FOSL2: variants seen among roughly 807,000 people sequenced by gnomAD.
The protein encoded by FOSL2 is fos-related antigen 2.
A neutral mutation model predicts 27.7 loss-of-function variants in FOSL2; 3 were observed. The observed-to-expected ratio is 0.11, with a 90% CI of 0.05 to 0.28. The LOEUF is 0.28. FOSL2 is among the 10% of genes least tolerant of loss of function. The probability of loss-of-function intolerance (pLI) is 1.00; values close to 1 mark genes in which losing one functional copy is unlikely to be tolerated. For missense variants in FOSL2, 333 were observed against 445.1 expected (o/e 0.75, Z 2.27); for synonymous variants, 179 against 190.1 (o/e 0.94, Z 0.48).
At position 28,413,375 on chromosome 2, in the gene FOSL2, G is replaced by A. The variant is rs1008855160; in HGVS notation, c.*927G>A. On this transcript the variant is annotated 3_prime_UTR_variant, in exon 4 of 4. Transcript: ENST00000264716. ...ATTCTGCCCCTGGACCCTTCTCTCCGGACCAGGGAGGCGTCCCTCCCTAGG... is the reference window on the plus strand; with the variant it reads ...ATTCTGCCCCTGGACCCTTCTCTCCAGACCAGGGAGGCGTCCCTCCCTAGG... 1.5e-5 allele frequency: 6 copies of A among 397,518 alleles called. No individual in the cohort carries two copies. The highest frequency in any genetic ancestry group is 6.2e-4 in the Middle Eastern group (1 of 1,610). The allele number at this position is 397,518 out of a possible 1,614,324, so 24.6% of individuals were successfully genotyped here.
chr2:28,409,854 C>CCT (rs1229970744), intron 3 of FOSL2, among the ~76,000 whole-genome samples: 10 of 152,226 alleles, frequency 6.6e-5, no homozygotes, highest in Non-Finnish European at 1.5e-4. Flanking sequence ...CATTCTCCTG[C>CCT]CTCAGCCTCC....
chr2:28,395,661 G>C (rs548977153), intron 1 of FOSL2: 15 of 152,374 alleles, frequency 9.8e-5, no homozygotes, highest in African/African-American at 3.4e-4. Context: ...CTAGCATGCT[G>C]TAACACATGA....
intron 1 of FOSL2, among the ~76,000 whole-genome samples, chr2:28,399,774 G>A (rs1007190170): frequency 2.6e-5 from 4 of 152,146 alleles, no homozygotes; most frequent in Admixed American, 6.5e-5. Context: ...ATGAACCTCT[G>A]GGACAGGGGT....
chr2:28,396,801 C>CACACACACACACACAA (rs1228061006), intron 1 of FOSL2: 10 of 146,480 alleles, frequency 6.8e-5, no homozygotes, highest in African/African-American at 2.5e-4. Context: ...CACACACACA[C>CACACACACACACACAA]ACACACACAC....
At chr2:28,399,980 G>A (rs1368464201) in intron 1 of FOSL2, among the ~76,000 whole-genome samples, 1 of 152,180 alleles carries the variant, frequency 6.6e-6, no homozygotes, top group Non-Finnish European at 1.5e-5. Context: ...CTCTGCTCTA[G>A]GAGGTGGATG....
intron 1 of FOSL2, among the ~76,000 whole-genome samples, chr2:28,394,148 C>G (rs1215922627): frequency 1.6e-5 from 2 of 125,280 alleles, no homozygotes; most frequent in East Asian, 4.4e-4. Flanking sequence ...CCCCCCCCCC[C>G]CCACCCCTGC....
intron 1 of FOSL2, among the ~76,000 whole-genome samples, chr2:28,403,418 C>G (rs1054705525): frequency 2.6e-5 from 4 of 152,126 alleles, no homozygotes; most frequent in African/African-American, 4.8e-5. Context: ...GAGAGACACA[C>G]TCAGCCAGTC....
chr2:28,413,993 C>G lies in FOSL2; in HGVS notation c.*1545C>G. The G allele has an allele frequency of 5.0e-6, 2 of 396,552 alleles. No individual in the cohort carries two copies. The highest frequency in any genetic ancestry group is 3.6e-5 in the East Asian group (1 of 28,004). 24.6% of individuals were successfully genotyped at this position (396,552 alleles called of 1,614,324 possible). A position where few individuals can be genotyped will look rare whatever the true frequency, so the allele number is the denominator to read the frequency against. On this transcript the variant is annotated 3_prime_UTR_variant, in exon 4 of 4. Coordinates refer to ENST00000264716, the MANE Select transcript of FOSL2 (RefSeq NM_005253.4). Reference sequence around the variant, plus strand: ...TCAGCAGGGTCCCTGCTGCCCACCCCTCTGAGCCTTTTCTCCCCAGGGTAT... The same window carrying G: ...TCAGCAGGGTCCCTGCTGCCCACCCGTCTGAGCCTTTTCTCCCCAGGGTAT...
chr2:28,410,427 G>A (rs879277517), intron 3 of FOSL2: 11 of 41,976 alleles, frequency 2.6e-4, no homozygotes, highest in South Asian at 2.5e-3. Context: ...CACCTCCCCC[G>A]CCCTCTGACC....
rs1457240382 is a variant in FOSL2, at chr2:28,412,561, C to T, written c.*113C>T. 7.8e-7 allele frequency: 1 copy of T among 1,287,764 alleles called. No individual in the cohort carries two copies. Among genetic ancestry groups the T allele is most frequent in the African/African-American group, 1.5e-5 (1 of 67,370 alleles). The allele number at this position is 1,287,764 out of a possible 1,614,324, so 79.8% of individuals were successfully genotyped here. A position where few individuals can be genotyped will look rare whatever the true frequency, so the allele number is the denominator to read the frequency against. The stretch of plus-strand genomic sequence containing the variant: ...TGAGGGCAAGAGGGGGACCTGCCAC[C>T]AGGGAGCTTCCTGGCTCTGGGGGAC... On this transcript the variant is annotated 3_prime_UTR_variant, in exon 4 of 4. Transcript: ENST00000264716. This position sits in a 1 kb window ranked among gnomAD's most constrained non-coding sequence, Gnocchi z 7.1.
At chr2:28,395,046 A>C (rs549040401) in intron 1 of FOSL2, among the ~76,000 whole-genome samples, 1 of 152,124 alleles carries the variant, frequency 6.6e-6, no homozygotes, top group African/African-American at 2.4e-5. Context: ...TGAGTCCCCA[A>C]AATGGCTTTT....
At chr2:28,402,262 A>G (rs1663988383) in intron 1 of FOSL2, among the ~76,000 whole-genome samples, 1 of 152,038 alleles carries the variant, frequency 6.6e-6, no homozygotes, top group Non-Finnish European at 1.5e-5. Context: ...AATCCATTGC[A>G]CTGGGTAACT....
At chr2:28,396,051 T>C (rs1014087251) in intron 1 of FOSL2, among the ~76,000 whole-genome samples, 3 of 152,256 alleles carry the variant, frequency 2.0e-5, no homozygotes, top group Non-Finnish European at 1.5e-5. Context: ...TGGAAGACTT[T>C]CCTGGCAATT....
chr2:28,407,321 G>A (rs1228083082), intron 2 of FOSL2, among the ~76,000 whole-genome samples: 1 of 152,256 alleles, frequency 6.6e-6, no homozygotes, highest in Non-Finnish European at 1.5e-5. Flanking sequence ...TTAGGAGCAG[G>A]AAGTATTCAG....
chr2:28,411,757 G>C (rs1664202573), intron 3 of FOSL2, 173 bp from the exon 4 acceptor site: 2 of 656,614 alleles, frequency 3.0e-6, no homozygotes, highest in Non-Finnish European at 5.3e-6. Context: ...CTTTGGAAAT[G>C]AAAGGAATCT....
chr2:28,412,459 CT>C lies in FOSL2; in HGVS notation c.*12del. 2 of 1,593,556 alleles carry C rather than the reference CT, an allele frequency of 1.3e-6. No individual in the cohort carries two copies. The highest frequency in any genetic ancestry group is 2.2e-5 in the South Asian group (2 of 90,864). On this transcript the variant is annotated 3_prime_UTR_variant, in exon 4 of 4. Transcript: ENST00000264716. The surrounding 1 kb of genome is among the most constrained non-coding windows in gnomAD (Gnocchi z 7.1). ...CTGCTGGCTCTGTAACCCAGTGCACCTCCCTCCCCAGCTCCGGAGGGGGTCC... is the reference window on the plus strand; with the variant it reads ...CTGCTGGCTCTGTAACCCAGTGCACCCCCTCCCCAGCTCCGGAGGGGGTCC...
rs1461208159 is a variant in FOSL2, at chr2:28,414,091, C to T, written c.*1643C>T. The T allele has an allele frequency of 2.8e-6, 1 of 361,078 alleles. No individual in the cohort carries two copies. The allele number at this position is 361,078 out of a possible 1,614,324, so 22.4% of individuals were successfully genotyped here. ...GGAGTAGCTCCTGGCCAGAACCAGC[C>T]TCTGCGGGGCTTGTGCTCTGCAAAG... On this transcript the variant is annotated 3_prime_UTR_variant, in exon 4 of 4. Coordinates refer to ENST00000264716, the MANE Select transcript of FOSL2 (RefSeq NM_005253.4).
intron 3 of FOSL2, among the ~76,000 whole-genome samples, chr2:28,409,556 G>A (rs977736660): frequency 1.3e-5 from 2 of 152,002 alleles, no homozygotes; most frequent in African/African-American, 2.4e-5. Flanking sequence ...CCAACGTCAC[G>A]TAACTCCCTT....
chr2:28,413,807 C>A lies in FOSL2; in HGVS notation c.*1359C>A. The A allele has an allele frequency of 2.5e-6, 1 of 398,846 alleles. No individual in the cohort carries two copies. 24.7% of individuals were successfully genotyped at this position (398,846 alleles called of 1,614,324 possible). A position where few individuals can be genotyped will look rare whatever the true frequency, so the allele number is the denominator to read the frequency against. Reference sequence around the variant, plus strand: ...GCAAGCTGTGAACAGCTGGCCTGAGCTGTCGCTGTGGCTTGTGGCTCATGC... The same window carrying A: ...GCAAGCTGTGAACAGCTGGCCTGAGATGTCGCTGTGGCTTGTGGCTCATGC... On this transcript the variant is annotated 3_prime_UTR_variant, in exon 4 of 4. Coordinates refer to ENST00000264716, the MANE Select transcript of FOSL2 (RefSeq NM_005253.4).
Sources: allele counts gnomAD v4.1 joint callset (sites outside exome capture counted in the v4.1 genomes callset), GRCh38; gene constraint gnomAD v4.1.1; non-coding constraint Gnocchi (gnomAD v3.1); transcripts MANE v1.5; gene names NCBI Gene and HGNC (gene_info 2026-07-23, HGNC 2026-07-21).